Variants in ARL8B observed in about 807,000 individuals in gnomAD.
ARL8B encodes ARF like GTPase 8B.
ARL8B carries 9 observed loss-of-function variants against 30.6 expected under a neutral mutation model. The observed-to-expected ratio is 0.29, with a 90% CI of 0.18 to 0.51. The LOEUF is 0.51. ARL8B is among the 20% of genes least tolerant of loss of function. The probability of loss-of-function intolerance (pLI) is 0.97; values close to 1 mark genes in which losing one functional copy is unlikely to be tolerated. For synonymous variants in ARL8B, 74 were observed against 76.0 expected (o/e 0.97, Z 0.14); for missense variants, 130 against 227.2 (o/e 0.57, Z 2.75).
chr3:5,131,335 T>C (rs1329334931), intron 1 of ARL8B, among the ~76,000 whole-genome samples: 1 of 152,100 alleles, frequency 6.6e-6, no homozygotes, highest in African/African-American at 2.4e-5. Context: ...CTCTCCTTCA[T>C]AATTTAGCTA....
chr3:5,180,829 A>G lies in ARL8B; in HGVS notation c.*2116A>G, dbSNP rs1164465841. On this transcript the variant is annotated 3_prime_UTR_variant, in exon 7 of 7. Coordinates refer to ENST00000256496, the MANE Select transcript of ARL8B (RefSeq NM_018184.3). ...AAGTTTCCGAGAGGAGGGTCTATAG[A>G]CCATTTGTCAGAAATCAGATCAGCC... 2.0e-5 allele frequency: 3 copies of G among 152,588 alleles called. No homozygotes were observed. The highest frequency in any genetic ancestry group is 7.2e-5 in the African/African-American group (3 of 41,434). 9.5% of individuals were successfully genotyped at this position (152,588 alleles called of 1,614,324 possible). A position where few individuals can be genotyped will look rare whatever the true frequency, so the allele number is the denominator to read the frequency against.
At chr3:5,126,365 G>GGTGTC (rs2054230019) in intron 1 of ARL8B, among the ~76,000 whole-genome samples, 1 of 152,150 alleles carries the variant, frequency 6.6e-6, no homozygotes, top group Non-Finnish European at 1.5e-5. Flanking sequence ...TGTCACTCTA[G>GGTGTC]AAAGGTGACC....
chr3:5,170,166 A>C (rs190075480), intron 1 of ARL8B, among the ~76,000 whole-genome samples: 20 of 152,340 alleles, frequency 1.3e-4, no homozygotes, highest in African/African-American at 4.8e-4. Flanking sequence ...TTTATTTCTG[A>C]TCTCATCTAC....
chr3:5,128,671 GA>G (rs66736045), intron 1 of ARL8B: 23,656 of 220,604 alleles, frequency 0.11, 1,523 homozygotes, highest in Non-Finnish European at 0.13. Flanking sequence ...TTTTTTTTCT[GA>G]AATTTTTTTT....
chr3:5,170,421 A>C, intron 1 of ARL8B, 82 bp from the exon 2 acceptor site: 2 of 854,640 alleles, frequency 2.3e-6, no homozygotes. Flanking sequence ...TAAAATGGTT[A>C]CAAATGCAAT....
intron 6 of ARL8B, among the ~76,000 whole-genome samples, chr3:5,176,819 A>T (rs2054734109): frequency 6.6e-6 from 1 of 152,208 alleles, no homozygotes; most frequent in South Asian, 2.1e-4. Context: ...ATTTATTTCT[A>T]CATCAGTGGT....
chr3:5,125,860 A>G (rs1472062310), intron 1 of ARL8B, among the ~76,000 whole-genome samples: 1 of 152,110 alleles, frequency 6.6e-6, no homozygotes, highest in Non-Finnish European at 1.5e-5. Flanking sequence ...TATTCTTTTT[A>G]AAATTGTAAT....
intron 1 of ARL8B, among the ~76,000 whole-genome samples, chr3:5,164,489 C>T (rs180706221): frequency 4.6e-5 from 7 of 152,244 alleles, no homozygotes; most frequent in African/African-American, 1.7e-4. Context: ...CACTCATACC[C>T]CTTTCTAGGA....
intron 1 of ARL8B, among the ~76,000 whole-genome samples, chr3:5,155,270 C>G (rs1466273258): frequency 1.3e-5 from 2 of 152,148 alleles, no homozygotes; most frequent in Non-Finnish European, 2.9e-5. Context: ...TCTGATAAAT[C>G]TGCTGCTACT....
intron 1 of ARL8B, among the ~76,000 whole-genome samples, chr3:5,137,864 A>G (rs996027744): frequency 3.9e-5 from 6 of 152,198 alleles, no homozygotes; most frequent in African/African-American, 1.2e-4. Context: ...CTAGGATTAC[A>G]GGCACGAGCC....
intron 6 of ARL8B, among the ~76,000 whole-genome samples, chr3:5,174,753 T>A (rs1176819523): frequency 6.9e-6 from 1 of 145,524 alleles, no homozygotes; most frequent in Non-Finnish European, 1.5e-5. Flanking sequence ...ATATATAATA[T>A]ATATAAATAT....
At chr3:5,135,898 T>A (rs1354356348) in intron 1 of ARL8B, among the ~76,000 whole-genome samples, 1 of 151,482 alleles carries the variant, frequency 6.6e-6, no homozygotes, top group African/African-American at 2.4e-5. Context: ...GCGATTCTCC[T>A]GTCTCAGCCT....
At chr3:5,141,705 G>T (rs1439694785) in intron 1 of ARL8B, among the ~76,000 whole-genome samples, 1 of 152,108 alleles carries the variant, frequency 6.6e-6, no homozygotes, top group African/African-American at 2.4e-5. Context: ...CAGTATTGTT[G>T]GGAATGAAAG....
At chr3:5,134,687 ATCCTT>A (rs1310371529) in intron 1 of ARL8B, among the ~76,000 whole-genome samples, 4 of 152,174 alleles carry the variant, frequency 2.6e-5, no homozygotes. Flanking sequence ...ACAAAGTGTG[ATCCTT>A]GGTCCTCATA....
chr3:5,136,664 G>T (rs934502963), intron 1 of ARL8B, among the ~76,000 whole-genome samples: 1 of 152,214 alleles, frequency 6.6e-6, no homozygotes, highest in African/African-American at 2.4e-5. Flanking sequence ...TTGGAAAGGG[G>T]ATTTAAATTA....
At position 5,179,713 on chromosome 3, in the gene ARL8B, A is replaced by G. The variant is rs1178383792; in HGVS notation, c.*1000A>G. 1.3e-5 allele frequency: 2 copies of G among 152,548 alleles called. No individual in the cohort carries two copies. The highest frequency in any genetic ancestry group is 2.9e-5 in the Non-Finnish European group (2 of 68,028). 9.4% of individuals were successfully genotyped at this position (152,548 alleles called of 1,614,324 possible). A position where few individuals can be genotyped will look rare whatever the true frequency, so the allele number is the denominator to read the frequency against. ...GCACAAAAGATACTTATAAACAAATAAAAAATTTTTATTTTTCTCTCTTAC... is the reference window on the plus strand; with the variant it reads ...GCACAAAAGATACTTATAAACAAATGAAAAATTTTTATTTTTCTCTCTTAC... On this transcript the variant is annotated 3_prime_UTR_variant, in exon 7 of 7. Coordinates refer to ENST00000256496, the MANE Select transcript of ARL8B (RefSeq NM_018184.3).
intron 1 of ARL8B, among the ~76,000 whole-genome samples, chr3:5,165,050 T>A (rs932383645): frequency 5.9e-5 from 9 of 152,332 alleles, no homozygotes; most frequent in South Asian, 4.1e-4. Flanking sequence ...CACATGATGT[T>A]AATCTGAGCA....
At chr3:5,146,204 C>G (rs550546011) in intron 1 of ARL8B, among the ~76,000 whole-genome samples, 119 of 152,324 alleles carry the variant, frequency 7.8e-4, no homozygotes, top group African/African-American at 2.8e-3. Context: ...CTCCTAAGGT[C>G]TAGGGGACAT....
chr3:5,179,315 G>T lies in ARL8B; in HGVS notation c.*602G>T. On this transcript the variant is annotated 3_prime_UTR_variant, in exon 7 of 7. Transcript: ENST00000256496. ...GAGTGAGCGGAGGCACCAGATCAAT[G>T]TTGGTTCTTTGCACTGGTGAGATTC... 6.6e-6 allele frequency: 1 copy of T among 152,482 alleles called. No individual in the cohort carries two copies. 9.4% of individuals were successfully genotyped at this position (152,482 alleles called of 1,614,324 possible).
Sources: allele counts gnomAD v4.1 joint callset (sites outside exome capture counted in the v4.1 genomes callset), GRCh38; gene constraint gnomAD v4.1.1; transcripts MANE v1.5; gene names NCBI Gene and HGNC (gene_info 2026-07-23, HGNC 2026-07-21).